TBC1D9: variants seen among roughly 807,000 people sequenced by gnomAD.
TBC1D9 encodes TBC1 domain family member 9.
Under a neutral mutation model 132.0 loss-of-function variants are expected in TBC1D9, and 63 were observed. That is an observed-to-expected ratio of 0.48 (90% CI 0.39 to 0.59). The LOEUF (loss-of-function observed/expected upper bound fraction) is 0.59. Among genes scored for constraint, TBC1D9 ranks in the 20% least tolerant of loss-of-function variants. TBC1D9 has a pLI of 0.00. For synonymous variants in TBC1D9, 610 were observed against 609.9 expected (o/e 1.00, Z 0.00); for missense variants, 1,261 against 1,592.7 (o/e 0.79, Z 3.54).
intron 1 of TBC1D9, among the ~76,000 whole-genome samples, chr4:140,709,248 TCACACACACACACA>T (rs36222926): frequency 0.046 from 4,758 of 104,204 alleles, 139 homozygotes; most frequent in Middle Eastern, 0.13. Flanking sequence ...TCTCTCTCTC[TCACACACACACACA>T]CACACACACA....
rs746633610 is a variant in TBC1D9, at chr4:140,622,602, C to T, written c.3394G>A (p.Asp1132Asn). The T allele has an allele frequency of 1.2e-6, 2 of 1,613,682 alleles. No individual in the cohort carries two copies. Among genetic ancestry groups the T allele is most frequent in the South Asian group, 1.1e-5 (1 of 91,062 alleles). Reference protein sequence around the residue: ...EEHSLGGQMEDIKLEDSSPRD... With the variant: ...EEHSLGGQMENIKLEDSSPRD... ...GGCGAGGAGTCCTCCAGCTTGATGT[C>T]CTCCATTTGTCCTCCAAGGGAGTGT... is the stretch of plus-strand genomic sequence containing the variant. The change falls in exon 21 of 21, where the codon GAC becomes AAC. Residue 1132 changes from aspartate (D) to asparagine (N), a missense_variant. Transcript: ENST00000442267.
intron 16 of TBC1D9, among the ~76,000 whole-genome samples, chr4:140,630,933 G>A (rs1736784533): frequency 6.6e-6 from 1 of 152,072 alleles, no homozygotes; most frequent in Non-Finnish European, 1.5e-5. Flanking sequence ...TAACTCTATC[G>A]TGCAAATAAG....
Position 140,756,256 on chromosome 4 carries a change from C to A in TBC1D9, c.-211G>T, listed in dbSNP as rs959271143. Reference sequence around the variant, plus strand: ...AGGCGGCCCGGGAGGACGGTGAGGACGCGGGCGCGGCAAGCAGCATCCTCC... The same window carrying A: ...AGGCGGCCCGGGAGGACGGTGAGGAAGCGGGCGCGGCAAGCAGCATCCTCC... On this transcript the variant is annotated 5_prime_UTR_variant, in exon 1 of 21. Transcript: ENST00000442267. The surrounding 1 kb of genome is among the most constrained non-coding windows in gnomAD (Gnocchi z 5.6). The A allele has an allele frequency of 3.2e-6, 1 of 311,768 alleles. No individual in the cohort carries two copies. Among genetic ancestry groups the A allele is most frequent in the Non-Finnish European group, 5.8e-6 (1 of 171,842 alleles). 19.3% of individuals were successfully genotyped at this position (311,768 alleles called of 1,614,324 possible).
intron 16 of TBC1D9, among the ~76,000 whole-genome samples, chr4:140,629,669 C>T (rs1254102951): frequency 6.6e-6 from 1 of 152,178 alleles, no homozygotes; most frequent in African/African-American, 2.4e-5. Flanking sequence ...CAATATCCCT[C>T]TGGAATGAGT....
chr4:140,698,635 G>A (rs574071035), intron 2 of TBC1D9, among the ~76,000 whole-genome samples: 2 of 152,064 alleles, frequency 1.3e-5, no homozygotes, highest in Non-Finnish European at 2.9e-5. Flanking sequence ...CTACTCAGGA[G>A]GCTGAGTCAG....
At chr4:140,657,498 G>A (rs768251563) in intron 12 of TBC1D9, 29 bp downstream of exon 12, 3 of 1,580,600 alleles carry the variant, frequency 1.9e-6, no homozygotes, top group East Asian at 2.2e-5. Flanking sequence ...AACCGGAGAT[G>A]GTTTTCAAAG....
chr4:140,691,110 G>A (rs1216928329), intron 2 of TBC1D9, among the ~76,000 whole-genome samples: 3 of 152,124 alleles, frequency 2.0e-5, no homozygotes, highest in Non-Finnish European at 4.4e-5. Context: ...CTAAAAGTAC[G>A]AGGATACTGA....
chr4:140,628,432 C>A, intron 16 of TBC1D9, 67 bp from the exon 17 acceptor site: 1 of 1,430,712 alleles, frequency 7.0e-7, no homozygotes, highest in Non-Finnish European at 9.8e-7. Flanking sequence ...GCCTAGTGTT[C>A]CTCTAAAAAG....
At chr4:140,705,315 T>A (rs1402442680) in intron 1 of TBC1D9, among the ~76,000 whole-genome samples, 3 of 152,208 alleles carry the variant, frequency 2.0e-5, no homozygotes, top group African/African-American at 7.2e-5. Flanking sequence ...CAGTTCTGCC[T>A]CTATAATGCC....
intron 9 of TBC1D9, among the ~76,000 whole-genome samples, chr4:140,666,678 T>TG (rs1737450657): frequency 6.6e-6 from 1 of 150,828 alleles, no homozygotes; most frequent in African/African-American, 2.4e-5. Context: ...TGGGGTGTTT[T>TG]GGGGGGATGA....
intron 13 of TBC1D9, chr4:140,642,647 T>C (rs766561743): frequency 2.0e-4 from 141 of 710,502 alleles, no homozygotes; most frequent in Non-Finnish European, 3.3e-4. Context: ...AGCCTCGTGT[T>C]CATCCCAAGT....
At chr4:140,660,596 T>C (rs1354878117) in intron 10 of TBC1D9, among the ~76,000 whole-genome samples, 2 of 152,232 alleles carry the variant, frequency 1.3e-5, no homozygotes, top group Non-Finnish European at 1.5e-5. Flanking sequence ...GCCAGTTCCT[T>C]AGTCATTTAG....
rs1415592540 is a variant in TBC1D9 at position 140,638,992 on chromosome 4, C to A, written c.2505+94G>T. On this transcript the variant is annotated intron_variant, in intron 15 of 20. Transcript: ENST00000442267. ...AGCTCTAGCTTCCTATTTATATTAT[C>A]CCTTAATTTAACAGAAAAATCAAGA... The A allele has an allele frequency of 3.5e-6, 3 of 847,268 alleles. No individual in the cohort carries two copies. In the East Asian group the frequency reaches 8.0e-5, roughly 23 times the overall value. 52.5% of individuals were successfully genotyped at this position (847,268 alleles called of 1,614,324 possible). A position where few individuals can be genotyped will look rare whatever the true frequency, so the allele number is the denominator to read the frequency against.
At chr4:140,726,447 A>G (rs1738502562) in intron 1 of TBC1D9, among the ~76,000 whole-genome samples, 1 of 152,090 alleles carries the variant, frequency 6.6e-6, no homozygotes, top group South Asian at 2.1e-4. Context: ...CTCCTCTTAC[A>G]TCTTTTCCTA....
chr4:140,622,715 A>G lies in TBC1D9; in HGVS notation c.3281T>C (p.Val1094Ala), dbSNP rs1736638389. The stretch of plus-strand genomic sequence containing the variant: ...GCCTGGCCCTTTCTTGGGGAAGAGC[A>G]CGCCTGGGATGCCCTGGTGGCAGGA... ...GPSCHQGIPG[V>A]LFPKKGPGQP... is the part of the protein sequence containing the mutation. Residue 1094 changes from valine to alanine, a missense_variant, in exon 21 of 21, where the codon GTG becomes GCG. Coordinates refer to ENST00000442267, the MANE Select transcript of TBC1D9 (RefSeq NM_015130.3). 1.2e-6 allele frequency: 2 copies of G among 1,610,426 alleles called. No homozygotes were observed. Among genetic ancestry groups the G allele is most frequent in the Middle Eastern group, 1.6e-4 (1 of 6,082 alleles).
chr4:140,621,104 A>G lies in TBC1D9; in HGVS notation c.*1091T>C, dbSNP rs754422639. ...TGCGCTAGCTTTCATTTCCACATCC[A>G]TTCAGGAAATAGAGCATACTATTCT... On this transcript the variant is annotated 3_prime_UTR_variant, in exon 21 of 21. Transcript: ENST00000442267. The G allele has an allele frequency of 2.3e-4, 35 of 152,690 alleles. No homozygotes were observed. Among genetic ancestry groups the G allele is most frequent in the Non-Finnish European group, 2.8e-4 (19 of 68,046 alleles). The allele number at this position is 152,690 out of a possible 1,614,324, so 9.5% of individuals were successfully genotyped here. A position where few individuals can be genotyped will look rare whatever the true frequency, so the allele number is the denominator to read the frequency against.
In TBC1D9 at chr4:140,679,698, C is replaced by T; in HGVS notation, c.506G>A (p.Trp169Ter). Residue 169 changes from tryptophan to a stop codon, truncating the protein, a stop_gained, in exon 4 of 21, where the codon TGG becomes TAG. Coordinates refer to ENST00000442267, the MANE Select transcript of TBC1D9 (RefSeq NM_015130.3). LOFTEE classifies it high-confidence loss of function. ...KLVNYYSCSY[W>*]KGKVPRQGWM... ...ACCCTGACGGGGGACCTTCCCCTTC[C>T]AATAGCTGCAAGAGTAATAGTTGAC... The T allele has an allele frequency of 6.2e-7, 1 of 1,613,782 alleles. No homozygotes were observed. Among genetic ancestry groups the T allele is most frequent in the Non-Finnish European group, 8.5e-7 (1 of 1,179,818 alleles).
At chr4:140,629,904 C>T (rs1477764084) in intron 16 of TBC1D9, among the ~76,000 whole-genome samples, 2 of 152,196 alleles carry the variant, frequency 1.3e-5, no homozygotes, top group Non-Finnish European at 2.9e-5. Context: ...CCAATTACTT[C>T]ATATGTATAA....
chr4:140,725,603 T>C (rs1451959903), intron 1 of TBC1D9, among the ~76,000 whole-genome samples: 2 of 152,126 alleles, frequency 1.3e-5, no homozygotes, highest in South Asian at 4.1e-4. Context: ...TCCAGCTCAC[T>C]GACACTGGAC....
Sources: gnomAD v4.1 joint callset for allele counts (sites outside exome capture counted in the v4.1 genomes callset) on GRCh38, gnomAD v4.1.1 for gene constraint, Gnocchi (gnomAD v3.1) non-coding constraint, MANE v1.5 for transcripts, NCBI Gene and HGNC (gene_info 2026-07-23, HGNC 2026-07-21) for gene names.